Variants in DCN observed in about 807,000 individuals in gnomAD.
DCN encodes the protein bone proteoglycan II.
Under a neutral mutation model 36.5 loss-of-function variants are expected in DCN, and 17 were observed. That is an observed-to-expected ratio of 0.47 (90% CI 0.32 to 0.70). The LOEUF (loss-of-function observed/expected upper bound fraction) is 0.70. DCN is among the 30% of genes least tolerant of loss of function. The pLI, the probability that DCN is intolerant of heterozygous loss-of-function variation, is 0.04. For missense variants in DCN, 389 were observed against 430.1 expected (o/e 0.90, Z 0.84); for synonymous variants, 163 against 161.4 (o/e 1.01, Z -0.07).
At chr12:91,149,571 A>T (rs968185734) in intron 7 of DCN, among the ~76,000 whole-genome samples, 2 of 152,200 alleles carry the variant, frequency 1.3e-5, no homozygotes, top group Non-Finnish European at 2.9e-5. Flanking sequence ...ACCTTTGTTC[A>T]ACATTGCACT....
intron 4 of DCN, 50 bp from the exon 5 acceptor site, chr12:91,157,238 C>G (rs1425127049): frequency 7.9e-7 from 1 of 1,263,610 alleles, no homozygotes; most frequent in East Asian, 2.3e-5. Flanking sequence ...TAGGATATTA[C>G]TAGTCACTGT....
rs969511523 is a variant in DCN at position 91,143,760 on chromosome 12, A to G, written c.*2298T>C. 2 of 150,760 alleles carry G rather than the reference A, an allele frequency of 1.3e-5. No individual in the cohort carries two copies. Among genetic ancestry groups the G allele is most frequent in the African/African-American group, 2.4e-5 (1 of 41,164 alleles). 9.3% of individuals were successfully genotyped at this position (150,760 alleles called of 1,614,324 possible). A position where few individuals can be genotyped will look rare whatever the true frequency, so the allele number is the denominator to read the frequency against. On this transcript the variant is annotated 3_prime_UTR_variant, in exon 8 of 8. Transcript: ENST00000052754. ...TGTCGAAGCCAAAGAAATCAGCTATATTTATCTTTATTTCAAAGGAAATAA... is the reference window on the plus strand; with the variant it reads ...TGTCGAAGCCAAAGAAATCAGCTATGTTTATCTTTATTTCAAAGGAAATAA...
chr12:91,147,930 G>A (rs1381885468), intron 7 of DCN, among the ~76,000 whole-genome samples: 1 of 151,914 alleles, frequency 6.6e-6, no homozygotes, highest in Non-Finnish European at 1.5e-5. Context: ...GATTTTCTTA[G>A]GGTCCCTAAA....
rs35379812 is a variant in DCN, at chr12:91,145,681, A to G, written c.*377T>C. ...GTGTTTGGCATTTGACTTTATCTCA[A>G]ATGAGCTAACTGCTCAATGAATTAC... On this transcript the variant is annotated 3_prime_UTR_variant, in exon 8 of 8. Coordinates refer to ENST00000052754, the MANE Select transcript of DCN (RefSeq NM_001920.5). The G allele has an allele frequency of 5.8e-3, 2,068 of 355,554 alleles. 12 individuals are homozygous for G. The highest frequency in any genetic ancestry group is 8.4e-3 in the Non-Finnish European group (1,563 of 185,260). 22.0% of individuals were successfully genotyped at this position (355,554 alleles called of 1,614,324 possible). A position where few individuals can be genotyped will look rare whatever the true frequency, so the allele number is the denominator to read the frequency against.
intron 2 of DCN, among the ~76,000 whole-genome samples, chr12:91,173,182 T>C (rs1315624363): frequency 6.6e-6 from 1 of 152,164 alleles, no homozygotes; most frequent in Admixed American, 6.6e-5. Context: ...AAGTTAAGAT[T>C]AGAGGGTCTC....
chr12:91,172,602 T>A, intron 2 of DCN: 1 of 490,630 alleles, frequency 2.0e-6, no homozygotes, highest in African/African-American at 2.0e-5. Context: ...GCTTCCTGGT[T>A]TTACAGTTGT....
intron 5 of DCN, among the ~76,000 whole-genome samples, chr12:91,154,663 A>G (rs1040924596): frequency 6.6e-5 from 10 of 151,952 alleles, no homozygotes; most frequent in African/African-American, 2.4e-4. Flanking sequence ...GAGTTAAAGA[A>G]CCCATACTCC....
At chr12:91,150,676 A>G (rs1046573778) in intron 7 of DCN, 1 of 152,232 alleles carries the variant, frequency 6.6e-6, no homozygotes, top group Non-Finnish European at 1.5e-5. Context: ...TGTGAAAGAC[A>G]GTGTAGCAAT....
intron 7 of DCN, chr12:91,150,723 C>T (rs1485204983): frequency 1.3e-5 from 2 of 152,114 alleles, no homozygotes; most frequent in Non-Finnish European, 1.5e-5. Flanking sequence ...CCATTTGACC[C>T]AGCAATCCCA....
In DCN at chr12:91,150,850, A is replaced by G. The variant is rs3138273; in HGVS notation, c.885+804T>C. On this transcript the variant is annotated intron_variant, in intron 7 of 7. Coordinates refer to ENST00000052754, the MANE Select transcript of DCN (RefSeq NM_001920.5). ...AAAAACATGGAACCAATCCAAATGC[A>G]CATCAATGATAGACTGGATAAAGGA... is the stretch of plus-strand genomic sequence containing the variant. 3.3e-5 allele frequency: 5 copies of G among 152,246 alleles called. No homozygotes were observed. The East Asian group carries it at 9.7e-4, about 29-fold the overall frequency. 9.4% of individuals were successfully genotyped at this position (152,246 alleles called of 1,614,324 possible).
intron 7 of DCN, 98 bp from the exon 8 acceptor site, chr12:91,146,350 A>AATT: frequency 4.7e-5 from 24 of 508,042 alleles, no homozygotes; most frequent in Non-Finnish European, 6.7e-5. Flanking sequence ...TTAATCCTTC[A>AATT]CTTTTTTTTT....
At chr12:91,164,006 C>A (rs942443655) in intron 3 of DCN, among the ~76,000 whole-genome samples, 4 of 152,054 alleles carry the variant, frequency 2.6e-5, no homozygotes, top group Non-Finnish European at 5.9e-5. Flanking sequence ...GAAGAAAATA[C>A]CTAAGATATA....
At chr12:91,156,425 A>C (rs1260770392) in intron 5 of DCN, among the ~76,000 whole-genome samples, 1 of 152,238 alleles carries the variant, frequency 6.6e-6, no homozygotes, top group Non-Finnish European at 1.5e-5. Flanking sequence ...ACTTTAAAAC[A>C]ACTCAATGAA....
At chr12:91,172,503 C>T in intron 2 of DCN, 1 of 240,574 alleles carries the variant, frequency 4.2e-6, no homozygotes, top group Non-Finnish European at 8.1e-6. Context: ...GGCAATCTGA[C>T]TGCGTTATCA....
intron 3 of DCN, among the ~76,000 whole-genome samples, chr12:91,161,584 T>C (rs1408215760): frequency 6.6e-6 from 1 of 151,970 alleles, no homozygotes; most frequent in Non-Finnish European, 1.5e-5. Flanking sequence ...TGAGGGGGAG[T>C]TGGTGAATAA....
At position 91,146,247 on chromosome 12, in the gene DCN, G is replaced by C; in HGVS notation, c.891C>G (p.Val297=). The C allele has an allele frequency of 6.3e-7, 1 of 1,593,428 alleles. No homozygotes were observed. Among genetic ancestry groups the C allele is most frequent in the East Asian group, 2.2e-5 (1 of 44,680 alleles). ...GLAEHKYIQV[V]YLHNNNISVV... is the part of the protein sequence containing the mutation. ...CAGAGATATTGTTGTTATGAAGGTA[G>C]ACAACCTACAACATGAAACGATAGA... Residue 297 remains valine (V), a synonymous_variant, in exon 8 of 8, where the codon GTC becomes GTG. Transcript: ENST00000052754.
intron 3 of DCN, among the ~76,000 whole-genome samples, chr12:91,163,142 T>C (rs1473104648): frequency 6.6e-6 from 1 of 152,252 alleles, no homozygotes; most frequent in Non-Finnish European, 1.5e-5. Context: ...ACACTCATTC[T>C]ACAGATAGAG....
chr12:91,181,027 T>C (rs544380537), intron 1 of DCN: 2 of 152,260 alleles, frequency 1.3e-5, no homozygotes, highest in Non-Finnish European at 1.5e-5. Flanking sequence ...TTTACTCCTG[T>C]TAAAATGGTA....
In DCN at chr12:91,140,576, T is replaced by C. The variant is rs1229485560; in HGVS notation, c.*5482A>G. 6.6e-6 allele frequency: 1 copy of C among 152,160 alleles called. No homozygotes were observed. Among genetic ancestry groups the C allele is most frequent in the East Asian group, 1.9e-4 (1 of 5,182 alleles). The allele number at this position is 152,160 out of a possible 1,614,324, so 9.4% of individuals were successfully genotyped here. A position where few individuals can be genotyped will look rare whatever the true frequency, so the allele number is the denominator to read the frequency against. Reference sequence around the variant, plus strand: ...GGCCCTGTAAAATGTGTTGCTAACATGTACAGTATGATTGCTTAGTTTGGA... The same window carrying C: ...GGCCCTGTAAAATGTGTTGCTAACACGTACAGTATGATTGCTTAGTTTGGA... On this transcript the variant is annotated 3_prime_UTR_variant, in exon 8 of 8. Transcript: ENST00000052754.
Sources: allele counts gnomAD v4.1 joint callset (sites outside exome capture counted in the v4.1 genomes callset), GRCh38; gene constraint gnomAD v4.1.1; transcripts MANE v1.5; gene names NCBI Gene and HGNC (gene_info 2026-07-23, HGNC 2026-07-21).